SEMA5A: variants seen among roughly 807,000 people sequenced by gnomAD.
The protein encoded by SEMA5A is semaphorin-5A.
In SEMA5A, 55 loss-of-function variants were observed where a neutral mutation model predicts 135.5. The ratio of observed to expected loss-of-function variants is 0.41; its 90% CI spans 0.33 to 0.51. The LOEUF (loss-of-function observed/expected upper bound fraction) is 0.51, where lower values mean the gene tolerates loss of function less well. SEMA5A is among the 20% of genes least tolerant of loss of function. The probability of loss-of-function intolerance (pLI) is 0.37; values close to 1 mark genes in which losing one functional copy is unlikely to be tolerated. For missense variants in SEMA5A, 1,290 were observed against 1,419.9 expected (o/e 0.91, Z 1.47); for synonymous variants, 580 against 546.5 (o/e 1.06, Z -0.85).
At chr5:9,137,907 A>G (rs1741849936) in intron 12 of SEMA5A, among the ~76,000 whole-genome samples, 1 of 152,256 alleles carries the variant, frequency 6.6e-6, no homozygotes, top group African/African-American at 2.4e-5. Context: ...TTATTAATAC[A>G]GTACCTCAAT....
intron 1 of SEMA5A, among the ~76,000 whole-genome samples, chr5:9,442,666 A>G (rs1401208821): frequency 6.6e-6 from 1 of 152,238 alleles, no homozygotes; most frequent in Admixed American, 6.5e-5. Flanking sequence ...CCCAGGAGCA[A>G]CAAATGGCCT....
chr5:9,066,371 CA>C (rs1737463488), intron 17 of SEMA5A, 49 bp downstream of exon 17: 4 of 1,564,628 alleles, frequency 2.6e-6, no homozygotes, highest in Non-Finnish European at 3.5e-6. Flanking sequence ...GAGAAAAGAT[CA>C]AAGGCCCTTC....
intron 13 of SEMA5A, among the ~76,000 whole-genome samples, chr5:9,135,476 C>T (rs563794883): frequency 1.3e-5 from 2 of 151,978 alleles, no homozygotes; most frequent in East Asian, 2.0e-4. Context: ...CCACCGTGCC[C>T]GGCCTGGTTT....
At chr5:9,303,266 A>T (rs1751701284) in intron 5 of SEMA5A, among the ~76,000 whole-genome samples, 1 of 151,698 alleles carries the variant, frequency 6.6e-6, no homozygotes, top group Non-Finnish European at 1.5e-5. Flanking sequence ...ACAGGCGCCC[A>T]CCACCATGCC....
At chr5:9,081,254 C>G (rs1738367914) in intron 16 of SEMA5A, among the ~76,000 whole-genome samples, 1 of 152,144 alleles carries the variant, frequency 6.6e-6, no homozygotes, top group African/African-American at 2.4e-5. Flanking sequence ...TGGCCAACAC[C>G]TCAATTTCAG....
At chr5:9,228,556 G>C (rs1455427680) in intron 6 of SEMA5A, among the ~76,000 whole-genome samples, 1 of 152,226 alleles carries the variant, frequency 6.6e-6, no homozygotes, top group Non-Finnish European at 1.5e-5. Context: ...GTATTGATGA[G>C]CTCTCATGTT....
intron 1 of SEMA5A, among the ~76,000 whole-genome samples, chr5:9,467,898 C>T (rs1388797043): frequency 6.6e-6 from 1 of 152,208 alleles, no homozygotes. Context: ...TAACACCATT[C>T]GGGGCACTAA....
At chr5:9,324,035 T>A (rs1298641927) in intron 4 of SEMA5A, among the ~76,000 whole-genome samples, 2 of 151,924 alleles carry the variant, frequency 1.3e-5, no homozygotes, top group Non-Finnish European at 2.9e-5. Context: ...GTATTCACCT[T>A]ATTACAATTT....
At chr5:9,507,001 G>A (rs1345212832) in intron 1 of SEMA5A, among the ~76,000 whole-genome samples, 1 of 152,158 alleles carries the variant, frequency 6.6e-6, no homozygotes, top group Non-Finnish European at 1.5e-5. Context: ...AATCAAATGG[G>A]CATCAATTCC....
In SEMA5A at chr5:9,062,948, C is replaced by T; in HGVS notation, c.2457G>A (p.Gly819=). The T allele has an allele frequency of 3.7e-6, 6 of 1,614,220 alleles. No individual in the cohort carries two copies. The highest frequency in any genetic ancestry group is 5.1e-6 in the Non-Finnish European group (6 of 1,180,028). Residue 819 remains glycine (G), a synonymous_variant, in exon 18 of 23, where the codon GGG becomes GGA. Transcript: ENST00000382496. ...GAGATGGGCCAAGGCAAGGCATTCC[C>T]CCATACTTGGGTTCGGGGTTGTTGC... ...RVCNNPEPKY[G]GMPCLGPSLE... is the part of the protein sequence containing the mutation.
At chr5:9,147,724 CA>C (rs59966819) in intron 12 of SEMA5A, among the ~76,000 whole-genome samples, 9,119 of 102,450 alleles carry the variant, frequency 0.089, 322 homozygotes, top group Middle Eastern at 0.15. Context: ...TAAAACAAAC[CA>C]AAAAAAAAAA....
At chr5:9,478,034 C>T (rs534045443) in intron 1 of SEMA5A, among the ~76,000 whole-genome samples, 1 of 152,198 alleles carries the variant, frequency 6.6e-6, no homozygotes, top group South Asian at 2.1e-4. Context: ...GTATCCCAGC[C>T]ACTCCAGCTA....
chr5:9,217,479 C>A (rs1432777672), intron 8 of SEMA5A, among the ~76,000 whole-genome samples: 1 of 152,126 alleles, frequency 6.6e-6, no homozygotes, highest in Non-Finnish European at 1.5e-5. Context: ...TGGGGATGAT[C>A]TTCTTCTGTA....
chr5:9,178,298 AT>A (rs2150320652), intron 11 of SEMA5A, among the ~76,000 whole-genome samples: 1 of 151,570 alleles, frequency 6.6e-6, no homozygotes, highest in African/African-American at 2.4e-5. Flanking sequence ...AGGAAAAAAA[AT>A]GTATAAGCTC....
At chr5:9,129,468 C>A (rs142739881) in intron 13 of SEMA5A, among the ~76,000 whole-genome samples, 2 of 152,328 alleles carry the variant, frequency 1.3e-5, no homozygotes, top group East Asian at 3.9e-4. Flanking sequence ...CTCTGTGTTG[C>A]ATTTAAGCAC....
intron 17 of SEMA5A, among the ~76,000 whole-genome samples, chr5:9,063,763 G>T (rs953550701): frequency 1.3e-5 from 2 of 152,124 alleles, no homozygotes; most frequent in African/African-American, 4.8e-5. Flanking sequence ...GCCAAGAGAG[G>T]CAGCAGCAGC....
rs557475623 is a variant in SEMA5A at position 9,354,052 on chromosome 5, C to T, written c.125-16240G>A. Among the ~76,000 whole-genome samples the T allele has an allele frequency of 1.4e-4, 22 of 152,118 alleles. 1 individual carries two copies. The South Asian group carries it at 1.7e-3, about 11-fold the overall frequency. On this transcript the variant is annotated intron_variant, in intron 3 of 22. Transcript: ENST00000382496. ...TTCCAACAGAGGTGGATTTCTGCCACGGCCCAGCAACCCCCAGAGAGCTCA... is the reference window on the plus strand; with the variant it reads ...TTCCAACAGAGGTGGATTTCTGCCATGGCCCAGCAACCCCCAGAGAGCTCA...
intron 1 of SEMA5A, among the ~76,000 whole-genome samples, chr5:9,453,552 C>T (rs1487564807): frequency 2.6e-5 from 4 of 152,102 alleles, no homozygotes; most frequent in Non-Finnish European, 5.9e-5. Context: ...GTTCAGGCAT[C>T]AATTATAGTG....
chr5:9,514,483 C>A (rs1671042004), intron 1 of SEMA5A, among the ~76,000 whole-genome samples: 1 of 152,156 alleles, frequency 6.6e-6, no homozygotes, highest in South Asian at 2.1e-4. Context: ...GGTTCCAAGA[C>A]CCTTCCCCAT....
Sources: gnomAD v4.1 joint callset for allele counts (sites outside exome capture counted in the v4.1 genomes callset) on GRCh38, gnomAD v4.1.1 for gene constraint, MANE v1.5 for transcripts, NCBI Gene and HGNC (gene_info 2026-07-23, HGNC 2026-07-21) for gene names.